Variants in ATP8A2 observed in about 807,000 individuals in gnomAD.
The protein encoded by ATP8A2 is phospholipid-transporting ATPase IB.
A neutral mutation model predicts 165.6 loss-of-function variants in ATP8A2; 100 were observed. The ratio of observed to expected loss-of-function variants is 0.60; its 90% CI spans 0.51 to 0.71. The LOEUF is 0.71. ATP8A2 is among the 30% of genes least tolerant of loss of function. ATP8A2 has a pLI of 0.00. For missense variants in ATP8A2, 1,227 were observed against 1,479.5 expected, an observed-to-expected ratio of 0.83 and a Z score of 2.80; for synonymous variants, 543 against 548.8, an observed-to-expected ratio of 0.99 and a Z score of 0.15.
chr13:25,905,193 G>A (rs1953896818), intron 33 of ATP8A2, among the ~76,000 whole-genome samples: 1 of 151,990 alleles, frequency 6.6e-6, no homozygotes, highest in Non-Finnish European at 1.5e-5. Flanking sequence ...CCTAACTTTA[G>A]CCTCTACTAC....
intron 24 of ATP8A2, among the ~76,000 whole-genome samples, chr13:25,654,552 A>C (rs568687122): frequency 5.9e-4 from 90 of 152,258 alleles, no homozygotes; most frequent in African/African-American, 2.0e-3. Flanking sequence ...AAGTCATTGC[A>C]CTGAGTCACT....
chr13:25,614,874 C>T (rs1465524290), intron 24 of ATP8A2, among the ~76,000 whole-genome samples: 3 of 152,216 alleles, frequency 2.0e-5, no homozygotes, highest in Non-Finnish European at 2.9e-5. Flanking sequence ...GTCTCTCAGC[C>T]ATGGATACCA....
rs185261373 is a variant in ATP8A2, at chr13:25,419,540, C to T, written c.76+47252C>T. On this transcript the variant is annotated intron_variant, in intron 1 of 36. Transcript: ENST00000381655. Reference sequence around the variant, plus strand: ...TATTTTTAGGCCATTTTGACTAATGCCCAACGCACTTACTCACTGGGCAGC... The same window carrying T: ...TATTTTTAGGCCATTTTGACTAATGTCCAACGCACTTACTCACTGGGCAGC... 2.3e-3 allele frequency among the ~76,000 whole-genome samples: 354 copies of T among 152,256 alleles called. 1 individual carries two copies. Among genetic ancestry groups the T allele is most frequent in the African/African-American group, 8.2e-3 (342 of 41,534 alleles).
At chr13:25,888,067 GACC>G (rs1953217571) in intron 33 of ATP8A2, among the ~76,000 whole-genome samples, 1 of 107,786 alleles carries the variant, frequency 9.3e-6, no homozygotes, top group South Asian at 2.7e-4. Context: ...AAAGAACCCA[GACC>G]CCCCCCCCGC....
intron 24 of ATP8A2, among the ~76,000 whole-genome samples, chr13:25,606,920 G>A (rs1219788485): frequency 6.6e-6 from 1 of 151,912 alleles, no homozygotes; most frequent in Non-Finnish European, 1.5e-5. Flanking sequence ...AATTTTCAAG[G>A]GTCCCCGACC....
intron 33 of ATP8A2, among the ~76,000 whole-genome samples, chr13:25,874,428 T>G (rs141757858): frequency 8.5e-5 from 13 of 152,364 alleles, no homozygotes; most frequent in African/African-American, 2.4e-4. Context: ...CTATTGTATG[T>G]TCTCTTAACA....
At chr13:25,516,134 A>G (rs1403375245) in intron 2 of ATP8A2, among the ~76,000 whole-genome samples, 5 of 152,188 alleles carry the variant, frequency 3.3e-5, no homozygotes. Context: ...TCTGTGTACC[A>G]ATCATCTCAG....
intron 33 of ATP8A2, among the ~76,000 whole-genome samples, chr13:25,947,708 G>A (rs971828335): frequency 6.6e-6 from 1 of 152,172 alleles, no homozygotes; most frequent in South Asian, 2.1e-4. Flanking sequence ...AACTTGGGCT[G>A]AGAATCACCC....
rs1195456593 is a variant in ATP8A2, at chr13:25,413,278, GTTT to G, written c.76+41008_76+41010del. On this transcript the variant is annotated intron_variant, in intron 1 of 36. Transcript: ENST00000381655. ...CTTTTTTTTCTTTTTCTTTTTCTTT[GTTT>G]TTTTTTTTTTTTTTTTTGAGATGGA... is the stretch of plus-strand genomic sequence containing the variant. Among the ~76,000 whole-genome samples, 661 of 105,236 alleles carry G rather than the reference GTTT, an allele frequency of 6.3e-3. 7 individuals carry two copies. Among genetic ancestry groups the G allele is most frequent in the African/African-American group, 0.022 (609 of 27,230 alleles). 69.0% of individuals were successfully genotyped at this position (105,236 alleles called of 152,430 possible).
chr13:25,543,242 C>A, intron 9 of ATP8A2, 49 bp from the exon 10 acceptor site: 2 of 1,220,718 alleles, frequency 1.6e-6, no homozygotes, highest in Non-Finnish European at 2.4e-6. Context: ...AAAACTCATG[C>A]TTATTTTCCA....
At chr13:26,009,992 G>C (rs1042379405) in intron 35 of ATP8A2, among the ~76,000 whole-genome samples, 2 of 152,204 alleles carry the variant, frequency 1.3e-5, no homozygotes, top group Non-Finnish European at 2.9e-5. Flanking sequence ...CTTGAACCTA[G>C]TAGGCAGAGG....
At chr13:25,650,221 A>C (rs915658010) in intron 24 of ATP8A2, among the ~76,000 whole-genome samples, 1 of 152,174 alleles carries the variant, frequency 6.6e-6, no homozygotes, top group African/African-American at 2.4e-5. Flanking sequence ...GGACCACACA[A>C]GTGACTCTGA....
intron 24 of ATP8A2, among the ~76,000 whole-genome samples, chr13:25,606,247 C>T (rs2040513482): frequency 6.6e-6 from 1 of 152,190 alleles, no homozygotes; most frequent in Admixed American, 6.5e-5. Context: ...ACATAGCTGT[C>T]TCCTGCCTTT....
At chr13:25,759,350 A>G (rs1251892933) in intron 25 of ATP8A2, among the ~76,000 whole-genome samples, 2 of 152,216 alleles carry the variant, frequency 1.3e-5, no homozygotes, top group Non-Finnish European at 2.9e-5. Context: ...TCAGCCGTGC[A>G]TGAGCTCACG....
intron 25 of ATP8A2, among the ~76,000 whole-genome samples, chr13:25,746,009 C>A (rs114684016): frequency 1.3e-5 from 2 of 152,248 alleles, no homozygotes; most frequent in African/African-American, 4.8e-5. Context: ...ATGCCTGGAG[C>A]TGTGGGCTGA....
chr13:25,573,914 C>T (rs778041909), intron 18 of ATP8A2, among the ~76,000 whole-genome samples: 3 of 152,084 alleles, frequency 2.0e-5, no homozygotes, highest in South Asian at 2.1e-4. Flanking sequence ...ATAATGATTC[C>T]GTCATATACT....
At chr13:25,653,900 T>C (rs2041870588) in intron 24 of ATP8A2, among the ~76,000 whole-genome samples, 1 of 152,040 alleles carries the variant, frequency 6.6e-6, no homozygotes, top group Non-Finnish European at 1.5e-5. Flanking sequence ...AGAGGTGTGA[T>C]TGGCATCAAT....
At position 25,570,474 on chromosome 13, in the gene ATP8A2, G is replaced by A. The variant is rs2039433928; in HGVS notation, c.1474-293G>A. On this transcript the variant is annotated intron_variant, in intron 16 of 36. Coordinates refer to ENST00000381655, the MANE Select transcript of ATP8A2 (RefSeq NM_016529.6). Reference sequence around the variant, plus strand: ...AAGGCCGAGGCTCCTGGGGAGGCAGGGTGTGTGGAGGTACAGGAAGGCTCT... The same window carrying A: ...AAGGCCGAGGCTCCTGGGGAGGCAGAGTGTGTGGAGGTACAGGAAGGCTCT... Among the ~76,000 whole-genome samples the A allele has an allele frequency of 2.0e-5, 3 of 152,160 alleles. No homozygotes were observed. The South Asian group carries it at 6.2e-4, about 32-fold the overall frequency.
rs1381908954 is a variant in ATP8A2, at chr13:25,775,030, AT to A, written c.2679+74del. 4.7e-6 allele frequency: 4 copies of A among 858,134 alleles called. No individual in the cohort carries two copies. In the Admixed American group the frequency reaches 7.0e-5, roughly 15 times the overall value. The allele number at this position is 858,134 out of a possible 1,614,324, so 53.2% of individuals were successfully genotyped here. ...AGGATATCTTGAGGTATTTAAAGTC[AT>A]TTCAAGGCAGGATTTTGTTCATGTA... On this transcript the variant is annotated intron_variant, in intron 27 of 36. Coordinates refer to ENST00000381655, the MANE Select transcript of ATP8A2 (RefSeq NM_016529.6).
Sources: gnomAD v4.1 joint callset for allele counts (sites outside exome capture counted in the v4.1 genomes callset) on GRCh38, gnomAD v4.1.1 for gene constraint, MANE v1.5 for transcripts, NCBI Gene and HGNC (gene_info 2026-07-23, HGNC 2026-07-21) for gene names.